The following ADCY2 variants were observed in gnomAD, a reference collection of about 807,000 sequenced individuals.
The protein encoded by ADCY2 is adenylate cyclase 2, also known as adenylate cyclase type 2.
Under a neutral mutation model 125.2 loss-of-function variants are expected in ADCY2, and 31 were observed. The ratio of observed to expected loss-of-function variants is 0.25; its 90% CI spans 0.19 to 0.33. The LOEUF is 0.33. ADCY2 is among the 10% of genes least tolerant of loss of function. The pLI is 1.00. For synonymous variants in ADCY2, 512 were observed against 548.4 expected, an observed-to-expected ratio of 0.93 and a Z score of 0.93; for missense variants, 904 against 1,418.2, an observed-to-expected ratio of 0.64 and a Z score of 5.82.
At chr5:7,760,559 C>A (rs1743162718) in intron 16 of ADCY2, among the ~76,000 whole-genome samples, 1 of 152,190 alleles carries the variant, frequency 6.6e-6, no homozygotes, top group African/African-American at 2.4e-5. Flanking sequence ...TGGCCAGTAG[C>A]AGCACATATG....
At chr5:7,613,318 C>T (rs948863534) in intron 3 of ADCY2, among the ~76,000 whole-genome samples, 5 of 152,104 alleles carry the variant, frequency 3.3e-5, no homozygotes, top group African/African-American at 1.2e-4. Context: ...GTCCTATCAC[C>T]GGAGCTTCTA....
At chr5:7,754,325 T>C (rs1742919100) in intron 15 of ADCY2, among the ~76,000 whole-genome samples, 1 of 152,246 alleles carries the variant, frequency 6.6e-6, no homozygotes. Flanking sequence ...AAAATTTGTC[T>C]GTGTAATAAC....
At chr5:7,798,477 A>G (rs946611256) in intron 20 of ADCY2, 2 of 152,130 alleles carry the variant, frequency 1.3e-5, no homozygotes, top group African/African-American at 4.8e-5. Context: ...GAGAGAGAGT[A>G]GAAACCAACT....
In ADCY2 at chr5:7,414,563, A is replaced by G. The variant is rs1289092980; in HGVS notation, c.211-10A>G. The G allele has an allele frequency of 1.3e-6, 2 of 1,592,618 alleles. No homozygotes were observed. Among genetic ancestry groups the G allele is most frequent in the Non-Finnish European group, 1.7e-6 (2 of 1,171,480 alleles). ...TGGTAACTTTTCCATGTATTTTTTT[A>G]TCTCCTCAGGAAGTTGAAGACCATG... On this transcript the variant is annotated splice_polypyrimidine_tract_variant and intron_variant, in intron 1 of 24. Coordinates refer to ENST00000338316, the MANE Select transcript of ADCY2 (RefSeq NM_020546.3).
intron 5 of ADCY2, 81 bp downstream of exon 5, chr5:7,690,920 A>G: frequency 7.2e-7 from 1 of 1,379,602 alleles, no homozygotes; most frequent in East Asian, 2.6e-5. Flanking sequence ...CACACCTCAT[A>G]TCACCATCTC....
intron 4 of ADCY2, among the ~76,000 whole-genome samples, chr5:7,666,862 CGTTTTTCCCTGGAACA>C (rs1739775890): frequency 6.6e-6 from 1 of 152,164 alleles, no homozygotes; most frequent in African/African-American, 2.4e-5. Context: ...CGTGTGCTTG[CGTTTTTCCCTGGAACA>C]TAACTCTTAC....
In ADCY2 at chr5:7,396,256, C is replaced by T. The variant is rs1286525625; in HGVS notation, c.-41C>T. The stretch of plus-strand genomic sequence containing the variant: ...GGCGGCCGCGGCGAGCGGCGCTGCC[C>T]GGGCCGGGCGCGCACGGCGGGCGCC... On this transcript the variant is annotated 5_prime_UTR_variant, in exon 1 of 25. Transcript: ENST00000338316. This position sits in a 1 kb window ranked among gnomAD's most constrained non-coding sequence, Gnocchi z 5.7. 4 of 1,022,314 alleles carry T rather than the reference C, an allele frequency of 3.9e-6. No homozygotes were observed. Among genetic ancestry groups the T allele is most frequent in the Non-Finnish European group, 4.7e-6 (4 of 854,620 alleles). The allele number at this position is 1,022,314 out of a possible 1,614,324, so 63.3% of individuals were successfully genotyped here. A position where few individuals can be genotyped will look rare whatever the true frequency, so the allele number is the denominator to read the frequency against.
intron 21 of ADCY2, among the ~76,000 whole-genome samples, chr5:7,803,215 C>A (rs1192980118): frequency 6.6e-6 from 1 of 152,140 alleles, no homozygotes; most frequent in Non-Finnish European, 1.5e-5. Context: ...TGACAAATAG[C>A]GGCTGGGGGT....
At chr5:7,699,729 A>G (rs1741019775) in intron 7 of ADCY2, among the ~76,000 whole-genome samples, 1 of 152,136 alleles carries the variant, frequency 6.6e-6, no homozygotes, top group African/African-American at 2.4e-5. Context: ...CTGGGACCAC[A>G]GGCAAGCACC....
intron 20 of ADCY2, chr5:7,799,119 A>C (rs1274646457): frequency 6.6e-6 from 1 of 152,230 alleles, no homozygotes; most frequent in Non-Finnish European, 1.5e-5. Flanking sequence ...GTCTAAACTC[A>C]CTTTCAATTC....
chr5:7,678,434 T>A (rs1283474720), intron 4 of ADCY2, among the ~76,000 whole-genome samples: 1 of 152,176 alleles, frequency 6.6e-6, no homozygotes, highest in Admixed American at 6.5e-5. Flanking sequence ...TTGGAAAGAA[T>A]TAAAGTACTC....
intron 18 of ADCY2, among the ~76,000 whole-genome samples, chr5:7,774,027 AT>A (rs1024077228): frequency 2.5e-4 from 38 of 152,294 alleles, no homozygotes; most frequent in African/African-American, 9.1e-4. Flanking sequence ...TTCTACATTT[AT>A]TTTAAAATAA....
chr5:7,674,723 G>A (rs1184098094), intron 4 of ADCY2, among the ~76,000 whole-genome samples: 1 of 152,116 alleles, frequency 6.6e-6, no homozygotes, highest in Non-Finnish European at 1.5e-5. Flanking sequence ...TAAAAGTCAA[G>A]CACACCTCCA....
chr5:7,549,294 C>T lies in ADCY2; in HGVS notation c.570+28395C>T, dbSNP rs375922331. Among the ~76,000 whole-genome samples, 11 of 152,282 alleles carry T rather than the reference C, an allele frequency of 7.2e-5. No homozygotes were observed. In the East Asian group the frequency reaches 9.7e-4, roughly 13 times the overall value. On this transcript the variant is annotated intron_variant, in intron 3 of 24. Coordinates refer to ENST00000338316, the MANE Select transcript of ADCY2 (RefSeq NM_020546.3). ...CATCCTCTTTCCTCCAGATCCCTGGCGAAGGCAGCACTCCCATCTGGAGCA... is the reference window on the plus strand; with the variant it reads ...CATCCTCTTTCCTCCAGATCCCTGGTGAAGGCAGCACTCCCATCTGGAGCA...
At chr5:7,678,075 CA>C (rs1368709600) in intron 4 of ADCY2, among the ~76,000 whole-genome samples, 1 of 152,182 alleles carries the variant, frequency 6.6e-6, no homozygotes, top group Non-Finnish European at 1.5e-5. Flanking sequence ...TGTACTTATT[CA>C]AATTAATCAA....
chr5:7,569,268 C>T (rs377516370), intron 3 of ADCY2, among the ~76,000 whole-genome samples: 1 of 152,106 alleles, frequency 6.6e-6, no homozygotes, highest in East Asian at 1.9e-4. Flanking sequence ...ATCTGGATAA[C>T]AGAGAGATCT....
chr5:7,471,254 A>G (rs1742326491), intron 2 of ADCY2, among the ~76,000 whole-genome samples: 1 of 151,954 alleles, frequency 6.6e-6, no homozygotes, highest in Non-Finnish European at 1.5e-5. Flanking sequence ...TTAGAGTGAC[A>G]TAATTATTGG....
At chr5:7,470,847 A>G (rs1446957370) in intron 2 of ADCY2, among the ~76,000 whole-genome samples, 1 of 151,658 alleles carries the variant, frequency 6.6e-6, no homozygotes, top group Admixed American at 6.6e-5. Context: ...TCTACTTAAT[A>G]TATTAATTAT....
chr5:7,761,887 A>G (rs979424466), intron 16 of ADCY2, among the ~76,000 whole-genome samples: 13 of 152,222 alleles, frequency 8.5e-5, no homozygotes, highest in East Asian at 3.9e-4. Flanking sequence ...ACCTGCCTTC[A>G]GCAACAGAAA....
Sources: allele counts gnomAD v4.1 joint callset (sites outside exome capture counted in the v4.1 genomes callset), GRCh38; gene constraint gnomAD v4.1.1; non-coding constraint Gnocchi (gnomAD v3.1); transcripts MANE v1.5; gene names NCBI Gene and HGNC (gene_info 2026-07-23, HGNC 2026-07-21).